The following PDE7B variants were observed in gnomAD, a reference collection of about 807,000 sequenced individuals.
PDE7B encodes the protein phosphodiesterase 7B, also known as 3',5'-cyclic-AMP phosphodiesterase 7B.
In PDE7B, 29 loss-of-function variants were observed where a neutral mutation model predicts 56.2. The ratio of observed to expected loss-of-function variants is 0.52; its 90% confidence interval spans 0.38 to 0.70. The LOEUF (loss-of-function observed/expected upper bound fraction) is 0.70. Ranked by LOEUF, PDE7B falls within the 30% of genes least tolerant of loss-of-function variation. The pLI, the probability that PDE7B is intolerant of heterozygous loss-of-function variation, is 0.00. For missense variants in PDE7B, 490 were observed against 565.0 expected (o/e 0.87, Z 1.35); for synonymous variants, 197 against 196.9 (o/e 1.00, Z 0.00).
chr6:136,104,242 A>G (rs1054951597), intron 2 of PDE7B, among the ~76,000 whole-genome samples: 2 of 152,216 alleles, frequency 1.3e-5, no homozygotes, highest in East Asian at 3.8e-4. Context: ...TTGGAACACA[A>G]TAAGAACAGA....
intron 2 of PDE7B, among the ~76,000 whole-genome samples, chr6:135,986,040 T>C (rs1377888536): frequency 6.6e-6 from 1 of 152,182 alleles, no homozygotes; most frequent in Non-Finnish European, 1.5e-5. Context: ...CTGTGTTTTA[T>C]AGAAGGCACT....
intron 2 of PDE7B, among the ~76,000 whole-genome samples, chr6:136,017,576 T>A (rs918714659): frequency 6.0e-5 from 9 of 150,004 alleles, no homozygotes; most frequent in Non-Finnish European, 1.0e-4. Context: ...CACCTATGAG[T>A]AAGAACATGC....
intron 8 of PDE7B, among the ~76,000 whole-genome samples, chr6:136,170,529 C>T (rs554890895): frequency 1.3e-5 from 2 of 152,244 alleles, no homozygotes; most frequent in South Asian, 2.1e-4. Flanking sequence ...CTCTAGGTAC[C>T]TCATACACAT....
At position 136,110,268 on chromosome 6, in the gene PDE7B, A is replaced by G. The variant is rs952770878; in HGVS notation, c.166+1454A>G. Among the ~76,000 whole-genome samples the G allele has an allele frequency of 2.6e-4, 39 of 152,154 alleles. 1 individual carries two copies. The highest frequency in any genetic ancestry group is 1.3e-4 in the Admixed American group (2 of 15,270). On this transcript the variant is annotated intron_variant, in intron 3 of 12. Transcript: ENST00000308191. ...ATGGGATACAGCCTGCGGGAGCTCT[A>G]TTGGTCTCTCTGACCTTTCCTTATA...
At chr6:135,896,016 T>C (rs1257631068) in intron 1 of PDE7B, among the ~76,000 whole-genome samples, 1 of 152,190 alleles carries the variant, frequency 6.6e-6, no homozygotes, top group East Asian at 1.9e-4. Flanking sequence ...CACAATTTTC[T>C]ATACATCCTT....
intron 1 of PDE7B, among the ~76,000 whole-genome samples, chr6:135,877,752 C>CAAAAAAAA (rs75061563): frequency 1.1e-5 from 1 of 89,122 alleles, no homozygotes; most frequent in African/African-American, 2.9e-5. Flanking sequence ...CAAAACAAAA[C>CAAAAAAAA]AAAAAAAAAA....
At chr6:135,906,275 G>A (rs559770204) in intron 1 of PDE7B, among the ~76,000 whole-genome samples, 1 of 152,266 alleles carries the variant, frequency 6.6e-6, no homozygotes, top group East Asian at 1.9e-4. Context: ...AATGATTTGT[G>A]ATATCTTAAA....
intron 2 of PDE7B, among the ~76,000 whole-genome samples, chr6:136,030,372 G>A (rs554616895): frequency 6.6e-5 from 10 of 152,348 alleles, no homozygotes; most frequent in Middle Eastern, 3.4e-3. Context: ...TGCCTAGGGC[G>A]CATGAATTCC....
At chr6:136,100,149 C>G (rs1278930027) in intron 2 of PDE7B, among the ~76,000 whole-genome samples, 1 of 152,132 alleles carries the variant, frequency 6.6e-6, no homozygotes, top group Non-Finnish European at 1.5e-5. Context: ...GTTTTAGTAC[C>G]AGTACCATGC....
chr6:135,966,660 C>G (rs1775002401), intron 2 of PDE7B, among the ~76,000 whole-genome samples: 1 of 152,056 alleles, frequency 6.6e-6, no homozygotes, highest in Non-Finnish European at 1.5e-5. Context: ...TGTCTGAGAA[C>G]CATGGACTGA....
chr6:136,095,327 G>A lies in PDE7B; in HGVS notation c.83-13404G>A, dbSNP rs371779563. 4.6e-5 allele frequency among the ~76,000 whole-genome samples: 7 copies of A among 151,954 alleles called. No individual in the cohort carries two copies. In the East Asian group the frequency reaches 1.3e-3, roughly 29 times the overall value. The stretch of plus-strand genomic sequence containing the variant: ...GTATAATATGCAATATCAAATTTAT[G>A]TAATACATATGTTCTATATTTATAT... On this transcript the variant is annotated intron_variant, in intron 2 of 12. Coordinates refer to ENST00000308191, the MANE Select transcript of PDE7B (RefSeq NM_018945.4).
intron 2 of PDE7B, among the ~76,000 whole-genome samples, chr6:136,090,440 T>A (rs987174454): frequency 6.6e-6 from 1 of 152,252 alleles, no homozygotes; most frequent in Non-Finnish European, 1.5e-5. Context: ...AGGCTTTGCA[T>A]CATGACCTGG....
At chr6:136,028,746 T>C (rs1776191936) in intron 2 of PDE7B, among the ~76,000 whole-genome samples, 1 of 152,220 alleles carries the variant, frequency 6.6e-6, no homozygotes, top group Non-Finnish European at 1.5e-5. Context: ...TGAAATTATT[T>C]TGGTCTCATC....
At chr6:135,858,400 G>C (rs776152819) in intron 1 of PDE7B, among the ~76,000 whole-genome samples, 1 of 152,076 alleles carries the variant, frequency 6.6e-6, no homozygotes, top group Admixed American at 6.5e-5. Flanking sequence ...TGATCCACCC[G>C]CCTTGGCCTC....
At chr6:136,110,604 T>C (rs946365063) in intron 3 of PDE7B, among the ~76,000 whole-genome samples, 2 of 152,200 alleles carry the variant, frequency 1.3e-5, no homozygotes, top group Non-Finnish European at 2.9e-5. Flanking sequence ...TTTCATTATT[T>C]TAAAACCTTA....
At chr6:136,070,998 G>T (rs920614464) in intron 2 of PDE7B, among the ~76,000 whole-genome samples, 20 of 152,094 alleles carry the variant, frequency 1.3e-4, no homozygotes, top group African/African-American at 4.8e-4. Context: ...GAGGAGCCCT[G>T]AGATCCCTGT....
intron 2 of PDE7B, among the ~76,000 whole-genome samples, chr6:136,029,393 A>G (rs550566463): frequency 3.2e-4 from 48 of 152,362 alleles, no homozygotes; most frequent in African/African-American, 1.1e-3. Flanking sequence ...GAGACGCACA[A>G]ACATAAAATC....
Position 136,108,776 on chromosome 6 carries a change from G to C in PDE7B, c.128G>C (p.Arg43Pro). 1 of 1,611,418 alleles carries C rather than the reference G, an allele frequency of 6.2e-7. No individual in the cohort carries two copies. The highest frequency in any genetic ancestry group is 2.2e-5 in the East Asian group (1 of 44,856). Residue 43 changes from arginine to proline, a missense_variant, in exon 3 of 13, where the codon CGT becomes CCT. Physicochemically the swap from Arg to Pro is moderately radical, Grantham distance 103. Transcript: ENST00000308191. ...RGQTGVRAERRGSYPFIDFRL... is the reference protein window; with the variant it reads ...RGQTGVRAERPGSYPFIDFRL... ...CAGACGGGGGTTCGTGCTGAACGCC[G>C]TGGCTCCTACCCATTCATTGACTTC...
chr6:136,025,801 T>C (rs769128708), intron 2 of PDE7B, among the ~76,000 whole-genome samples: 1 of 152,248 alleles, frequency 6.6e-6, no homozygotes, highest in Non-Finnish European at 1.5e-5. Context: ...GAAATCAGCC[T>C]AGGGCCAGAC....
Sources: allele counts gnomAD v4.1 joint callset (sites outside exome capture counted in the v4.1 genomes callset), GRCh38; gene constraint gnomAD v4.1.1; transcripts MANE v1.5; gene names NCBI Gene and HGNC (gene_info 2026-07-23, HGNC 2026-07-21).